Variants in KCNQ1 observed in about 807,000 individuals in gnomAD.
The protein encoded by KCNQ1 is potassium voltage-gated channel subfamily Q member 1.
A neutral mutation model predicts 72.4 loss-of-function variants in KCNQ1; 49 were observed. The observed-to-expected ratio is 0.68, with a 90% confidence interval of 0.54 to 0.86. The LOEUF is 0.86. KCNQ1 is among the 40% of genes least tolerant of loss of function. The pLI is 0.00. For missense variants in KCNQ1, 790 were observed against 945.1 expected (o/e 0.84, Z 2.15); for synonymous variants, 450 against 412.6 (o/e 1.09, Z -1.10).
intron 14 of KCNQ1, chr11:2,777,462 T>G: frequency 1.9e-6 from 1 of 528,704 alleles, no homozygotes; most frequent in South Asian, 3.2e-5. Context: ...TGGGGGCTGG[T>G]TTTCTGGCTC....
chr11:2,835,397 TCACACACACACACA>T (rs36227626), intron 15 of KCNQ1, among the ~76,000 whole-genome samples: 2 of 130,570 alleles, frequency 1.5e-5, no homozygotes, highest in African/African-American at 5.3e-5. Context: ...AAACCCTGAC[TCACACACACACACA>T]CACACACACA....
intron 11 of KCNQ1, chr11:2,685,923 C>G (rs768162446): frequency 7.8e-5 from 31 of 398,652 alleles, no homozygotes; most frequent in Non-Finnish European, 1.3e-4. Flanking sequence ...TGACCAAGTT[C>G]TGGGCCCACT....
At chr11:2,568,116 C>CA (rs1177839769) in intron 2 of KCNQ1, among the ~76,000 whole-genome samples, 7 of 151,822 alleles carry the variant, frequency 4.6e-5, no homozygotes, top group Non-Finnish European at 1.0e-4. Flanking sequence ...TAAAAAAATA[C>CA]AAAAAAATTA....
In KCNQ1 at chr11:2,730,605, G is replaced by A. The variant is rs558877094; in HGVS notation, c.1515-38239G>A. Among the ~76,000 whole-genome samples the A allele has an allele frequency of 1.7e-3, 260 of 152,322 alleles. 2 individuals carry two copies. Among genetic ancestry groups the A allele is most frequent in the African/African-American group, 5.9e-3 (244 of 41,578 alleles). ...CAGAGACAGACTGCAGGGGGCCTGG[G>A]AGGCCCCAGGAGGCAGGTGGACTTT... is the stretch of plus-strand genomic sequence containing the variant. On this transcript the variant is annotated intron_variant, in intron 11 of 15. Coordinates refer to ENST00000155840, the MANE Select transcript of KCNQ1 (RefSeq NM_000218.3).
In KCNQ1 at chr11:2,703,425, G is replaced by C. The variant is rs1850853302; in HGVS notation, c.1514+41344G>C. Among the ~76,000 whole-genome samples the C allele has an allele frequency of 6.6e-6, 1 of 152,160 alleles. No individual in the cohort carries two copies. The highest frequency in any genetic ancestry group is 2.4e-5 in the African/African-American group (1 of 41,424). On this transcript the variant is annotated intron_variant, in intron 11 of 15. Coordinates refer to ENST00000155840, the MANE Select transcript of KCNQ1 (RefSeq NM_000218.3). This position sits in a 1 kb window ranked among gnomAD's most constrained non-coding sequence, Gnocchi z 6.4. ...GGTAGGGGCTGAGCTAGCGTTCCTTGCACTCCCTCCAGCTTTACTCTTTGG... is the reference window on the plus strand; with the variant it reads ...GGTAGGGGCTGAGCTAGCGTTCCTTCCACTCCCTCCAGCTTTACTCTTTGG...
In KCNQ1 at chr11:2,787,923, CTTT is replaced by C. The variant is rs1379343610; in HGVS notation, c.1794+9890_1794+9892del. Among the ~76,000 whole-genome samples the C allele has an allele frequency of 6.6e-6, 1 of 152,180 alleles. No homozygotes were observed. Among genetic ancestry groups the C allele is most frequent in the Non-Finnish European group, 1.5e-5 (1 of 68,038 alleles). ...TTCCATTCCTGGATCTCAGTCACCACTTTTTTAAGTGCTGTGCCACACAGATTC... is the reference window on the plus strand; with the variant it reads ...TTCCATTCCTGGATCTCAGTCACCACTTTAAGTGCTGTGCCACACAGATTC... On this transcript the variant is annotated intron_variant, in intron 15 of 15. Coordinates refer to ENST00000155840, the MANE Select transcript of KCNQ1 (RefSeq NM_000218.3). This position sits in a 1 kb window ranked among gnomAD's most constrained non-coding sequence, Gnocchi z 6.3.
intron 13 of KCNQ1, among the ~76,000 whole-genome samples, chr11:2,776,661 C>T (rs535177378): frequency 1.6e-4 from 24 of 152,188 alleles, no homozygotes; most frequent in Admixed American, 1.2e-3. Flanking sequence ...GGCTGGGAGC[C>T]CGTGTCCATC....
Position 2,848,170 on chromosome 11 carries a change from T to C in KCNQ1, c.*167T>C, listed in dbSNP as rs1268904069. On this transcript the variant is annotated 3_prime_UTR_variant, in exon 16 of 16. Coordinates refer to ENST00000155840, the MANE Select transcript of KCNQ1 (RefSeq NM_000218.3). ...CATGCTGTCTGGCACAGCCTGCACT[T>C]GGGGGCTCAGCAAGGCCACCTCTTC... 4 of 736,258 alleles carry C rather than the reference T, an allele frequency of 5.4e-6. No individual in the cohort carries two copies. In the African/African-American group the frequency reaches 7.0e-5, roughly 13 times the overall value. The allele number at this position is 736,258 out of a possible 1,614,324, so 45.6% of individuals were successfully genotyped here.
At chr11:2,732,132 A>G (rs2283218) in intron 11 of KCNQ1, among the ~76,000 whole-genome samples, 51,820 of 151,536 alleles carry the variant, frequency 0.34, 9,231 homozygotes, top group Middle Eastern at 0.41. Flanking sequence ...GCCTCTGTCG[A>G]CTCCATTTGC....
rs947835178 is a variant in KCNQ1, at chr11:2,690,975, A to G, written c.1514+28894A>G. On this transcript the variant is annotated intron_variant, in intron 11 of 15. Coordinates refer to ENST00000155840, the MANE Select transcript of KCNQ1 (RefSeq NM_000218.3). This position sits in a 1 kb window ranked among gnomAD's most constrained non-coding sequence, Gnocchi z 5.1. ...GGAGTCACGGGTATGTGTCAACAAA[A>G]GCCCACCAGACCATCAATGAAGTGG... is the stretch of plus-strand genomic sequence containing the variant. The G allele has an allele frequency of 2.3e-5, 9 of 398,550 alleles. No individual in the cohort carries two copies. Among genetic ancestry groups the G allele is most frequent in the Non-Finnish European group, 3.5e-5 (8 of 226,078 alleles). 24.7% of individuals were successfully genotyped at this position (398,550 alleles called of 1,614,324 possible). A position where few individuals can be genotyped will look rare whatever the true frequency, so the allele number is the denominator to read the frequency against.
At chr11:2,638,468 A>G (rs1376450212) in intron 10 of KCNQ1, 5 of 152,190 alleles carry the variant, frequency 3.3e-5, no homozygotes, top group Admixed American at 3.3e-4. Flanking sequence ...TTCTGGGTTG[A>G]AAATTCTTTT....
chr11:2,655,468 G>A (rs1000004086), intron 10 of KCNQ1: 3 of 398,658 alleles, frequency 7.5e-6, no homozygotes, highest in Non-Finnish European at 8.8e-6. Flanking sequence ...GCATTGCTCC[G>A]GTACCTCCTG....
Position 2,446,693 on chromosome 11 carries a change from C to G in KCNQ1, c.386+1209C>G, listed in dbSNP as rs374498974. ...CCACATCAGGAAGGGGAAGTCTTAC[C>G]CACCTCCCTCCTCAAAGATGTGGTT... is the stretch of plus-strand genomic sequence containing the variant. On this transcript the variant is annotated intron_variant, in intron 1 of 15. Transcript: ENST00000155840. This position sits in a 1 kb window ranked among gnomAD's most constrained non-coding sequence, Gnocchi z 8.8. 8.0e-4 allele frequency among the ~76,000 whole-genome samples: 122 copies of G among 152,260 alleles called. No homozygotes were observed. Among genetic ancestry groups the G allele is most frequent in the African/African-American group, 2.7e-3 (114 of 41,540 alleles).
intron 15 of KCNQ1, among the ~76,000 whole-genome samples, chr11:2,836,207 C>G (rs1227072545): frequency 1.3e-5 from 2 of 152,114 alleles, no homozygotes; most frequent in Admixed American, 6.5e-5. Context: ...TGGCTCAAAT[C>G]TTTAGAAATG....
At chr11:2,751,714 G>A (rs1474973425) in intron 11 of KCNQ1, among the ~76,000 whole-genome samples, 1 of 152,268 alleles carries the variant, frequency 6.6e-6, no homozygotes, top group African/African-American at 2.4e-5. Flanking sequence ...TAAAGCATCT[G>A]CAGATGCGCT....
At chr11:2,561,611 G>A (rs909854529) in intron 2 of KCNQ1, among the ~76,000 whole-genome samples, 3 of 152,192 alleles carry the variant, frequency 2.0e-5, no homozygotes, top group Non-Finnish European at 2.9e-5. Context: ...TGGGTCCCCC[G>A]CCTGGGATGC....
Position 2,661,093 on chromosome 11 carries a change from G to A in KCNQ1, c.1394-868G>A. 1 of 398,448 alleles carries A rather than the reference G, an allele frequency of 2.5e-6. No homozygotes were observed. The highest frequency in any genetic ancestry group is 3.6e-5 in the East Asian group (1 of 28,072). 24.7% of individuals were successfully genotyped at this position (398,448 alleles called of 1,614,324 possible). A position where few individuals can be genotyped will look rare whatever the true frequency, so the allele number is the denominator to read the frequency against. ...ACAGTGACATCCCATGTGCATAAAA[G>A]CAACTCCCACCTGGCATCTGCTGCT... On this transcript the variant is annotated intron_variant, in intron 10 of 15. Transcript: ENST00000155840. The surrounding 1 kb of genome is among the most constrained non-coding windows in gnomAD (Gnocchi z 5.9).
intron 2 of KCNQ1, among the ~76,000 whole-genome samples, chr11:2,561,117 G>A (rs1848158810): frequency 6.6e-6 from 1 of 151,068 alleles, no homozygotes; most frequent in Non-Finnish European, 1.5e-5. Context: ...CAGTAGAATG[G>A]TGTGAACCCC....
rs1846015232 is a variant in KCNQ1, at chr11:2,445,167, CCGG to C, written c.73_75del (p.Arg25del). On this transcript the variant is annotated inframe_deletion, in exon 1 of 16. Transcript: ENST00000155840. ...GGGGTTGGGGCCGCCTGCCAGGCGC[CCGG>C]CGGGGCAGCGCGGGCCTGGCCAAGA... 1 of 1,136,248 alleles carries C rather than the reference CCGG, an allele frequency of 8.8e-7. No homozygotes were observed. Among genetic ancestry groups the C allele is most frequent in the Non-Finnish European group, 1.1e-6 (1 of 923,762 alleles). The allele number at this position is 1,136,248 out of a possible 1,614,324, so 70.4% of individuals were successfully genotyped here.
Sources: allele counts gnomAD v4.1 joint callset (sites outside exome capture counted in the v4.1 genomes callset), GRCh38; gene constraint gnomAD v4.1.1; non-coding constraint Gnocchi (gnomAD v3.1); transcripts MANE v1.5; gene names NCBI Gene and HGNC (gene_info 2026-07-23, HGNC 2026-07-21).